Variants in CCDC171 observed in about 807,000 individuals in gnomAD.
CCDC171 encodes the protein coiled-coil domain-containing protein 171.
In CCDC171, 177 loss-of-function variants were observed where a neutral mutation model predicts 168.2. That is an observed-to-expected ratio of 1.05 (90% CI 0.93 to 1.19). CCDC171 has a LOEUF of 1.19. CCDC171 is among the 50% of genes most tolerant of loss of function. The pLI is 0.00. For synonymous variants in CCDC171, 687 were observed against 540.8 expected (o/e 1.27, Z -3.75); for missense variants, 1,991 against 1,539.0 (o/e 1.29, Z -4.91).
chr9:15,906,458 G>T (rs1327719964), intron 24 of CCDC171, among the ~76,000 whole-genome samples: 1 of 152,148 alleles, frequency 6.6e-6, no homozygotes, highest in African/African-American at 2.4e-5. Flanking sequence ...AAAGGCCTTT[G>T]ACAAAATTGG....
chr9:15,824,705 G>A (rs2059941569), intron 21 of CCDC171, among the ~76,000 whole-genome samples: 1 of 152,082 alleles, frequency 6.6e-6, no homozygotes, highest in Non-Finnish European at 1.5e-5. Flanking sequence ...TAAGAAACAA[G>A]TATCTTTGAA....
Position 16,012,841 on chromosome 9 carries a change from G to A in CCDC171, n.369-7748G>A, listed in dbSNP as rs535787344. Among the ~76,000 whole-genome samples, 15 of 152,234 alleles carry A rather than the reference G, an allele frequency of 9.9e-5. No individual in the cohort carries two copies. In the South Asian group the frequency reaches 2.9e-3, roughly 29 times the overall value. On this transcript the variant is annotated intron_variant and non_coding_transcript_variant, in intron 3 of 9. Transcript: ENST00000486641. The stretch of plus-strand genomic sequence containing the variant: ...TGATAGGTAGCATTGCTGTGCATGG[G>A]TGGAGAGGGTGGACTGGCTGAATTT...
At chr9:15,596,337 G>A (rs1448147440) in intron 6 of CCDC171, among the ~76,000 whole-genome samples, 1 of 147,170 alleles carries the variant, frequency 6.8e-6, no homozygotes, top group Non-Finnish European at 1.5e-5. Flanking sequence ...TGTAAGGAAG[G>A]GATCCAGTTT....
chr9:16,100,145 A>G, the CCDC171 span, among the ~76,000 whole-genome samples: 2 of 152,188 alleles, frequency 1.3e-5, no homozygotes, highest in Non-Finnish European at 2.9e-5. Flanking sequence ...TCGCTCCCAC[A>G]GCACAGAACA....
At chr9:15,588,953 G>A (rs544938652) in intron 4 of CCDC171, among the ~76,000 whole-genome samples, 3 of 151,636 alleles carry the variant, frequency 2.0e-5, no homozygotes, top group Non-Finnish European at 4.4e-5. Flanking sequence ...CTTGTGATCC[G>A]CCTGCCTCGG....
intron 7 of CCDC171, among the ~76,000 whole-genome samples, chr9:15,651,257 C>T (rs532466865): frequency 5.9e-5 from 9 of 151,920 alleles, no homozygotes; most frequent in East Asian, 1.9e-4. Flanking sequence ...TACAGGTGCC[C>T]GCTACGACAC....
intron 24 of CCDC171, among the ~76,000 whole-genome samples, chr9:15,897,997 T>C (rs572240417): frequency 2.0e-5 from 3 of 152,328 alleles, no homozygotes; most frequent in South Asian, 4.1e-4. Flanking sequence ...TCTATAAAGA[T>C]AATATGAGTC....
At chr9:16,004,985 A>G (rs1258145351) in intron 3 of CCDC171, among the ~76,000 whole-genome samples, 1 of 152,204 alleles carries the variant, frequency 6.6e-6, no homozygotes, top group Non-Finnish European at 1.5e-5. Flanking sequence ...TATGAATAAC[A>G]TATATATTAC....
At chr9:15,690,565 T>C (rs1252431018) in intron 10 of CCDC171, among the ~76,000 whole-genome samples, 1 of 152,048 alleles carries the variant, frequency 6.6e-6, no homozygotes, top group Non-Finnish European at 1.5e-5. Context: ...GAAAAAGCAC[T>C]GGAAGAAAAA....
At chr9:16,048,846 G>A (rs10810528) in intron 1 of CCDC171, among the ~76,000 whole-genome samples, 57,901 of 151,478 alleles carry the variant, frequency 0.38, 13,788 homozygotes, top group East Asian at 0.72. Flanking sequence ...AGTAAACGCT[G>A]TGGACAGGCA....
At chr9:15,652,584 C>T (rs1294767622) in intron 7 of CCDC171, among the ~76,000 whole-genome samples, 2 of 152,050 alleles carry the variant, frequency 1.3e-5, no homozygotes, top group African/African-American at 4.8e-5. Flanking sequence ...GTGGCCACCA[C>T]CACACTTGGC....
At chr9:15,554,325 C>T (rs1364137489) in intron 1 of CCDC171, among the ~76,000 whole-genome samples, 1 of 152,190 alleles carries the variant, frequency 6.6e-6, no homozygotes, top group African/African-American at 2.4e-5. Flanking sequence ...CGGCATGTCA[C>T]TTATTTTATT....
intron 18 of CCDC171, among the ~76,000 whole-genome samples, chr9:15,747,354 G>T (rs1382729774): frequency 6.6e-6 from 1 of 152,196 alleles, no homozygotes; most frequent in African/African-American, 2.4e-5. Context: ...CTGCCTGACA[G>T]CTCTGAAGAG....
chr9:16,092,116 C>T, the CCDC171 span, among the ~76,000 whole-genome samples: 1 of 152,206 alleles, frequency 6.6e-6, no homozygotes, highest in Non-Finnish European at 1.5e-5. Flanking sequence ...CTTGACACAA[C>T]TTGGAAAAGC....
At chr9:15,945,239 A>G (rs1828209584) in intron 25 of CCDC171, among the ~76,000 whole-genome samples, 3 of 149,820 alleles carry the variant, frequency 2.0e-5, no homozygotes, top group South Asian at 2.2e-4. Context: ...ATAGTATTCC[A>G]TGGTGTATAT....
chr9:16,085,381 A>G, the CCDC171 span, among the ~76,000 whole-genome samples: 1 of 152,232 alleles, frequency 6.6e-6, no homozygotes, highest in Admixed American at 6.5e-5. Flanking sequence ...TGCATGTAGC[A>G]CTGAAATGGG....
intron 21 of CCDC171, among the ~76,000 whole-genome samples, chr9:15,826,641 G>A (rs1181813078): frequency 6.6e-6 from 1 of 152,184 alleles, no homozygotes; most frequent in Non-Finnish European, 1.5e-5. Flanking sequence ...TAACAGCTCA[G>A]CTAGGGTCTC....
chr9:15,931,841 G>A (rs1284153090), intron 25 of CCDC171, among the ~76,000 whole-genome samples: 1 of 151,604 alleles, frequency 6.6e-6, no homozygotes, highest in Non-Finnish European at 1.5e-5. Flanking sequence ...TTTACATGTG[G>A]ATATTTAGTT....
intron 6 of CCDC171, among the ~76,000 whole-genome samples, chr9:15,605,236 T>C (rs1587353826): frequency 6.6e-6 from 1 of 152,058 alleles, no homozygotes; most frequent in East Asian, 1.9e-4. Context: ...TATGTTGACA[T>C]GTATGACAGG....
Sources: gnomAD v4.1 joint callset for allele counts (sites outside exome capture counted in the v4.1 genomes callset) on GRCh38, gnomAD v4.1.1 for gene constraint, MANE v1.5 for transcripts, NCBI Gene and HGNC (gene_info 2026-07-23, HGNC 2026-07-21) for gene names.